Variants in PRKCE observed in about 807,000 individuals in gnomAD.
PRKCE encodes protein kinase C epsilon.
Under a neutral mutation model 85.4 loss-of-function variants are expected in PRKCE, and 16 were observed. That is an observed-to-expected ratio of 0.19 (90% CI 0.13 to 0.28). The LOEUF (loss-of-function observed/expected upper bound fraction) is 0.28. Among genes scored for constraint, PRKCE ranks in the 10% least tolerant of loss-of-function variants. The pLI is 1.00. For missense variants in PRKCE, 573 were observed against 975.2 expected, an observed-to-expected ratio of 0.59 and a Z score of 5.49; for synonymous variants, 388 against 371.5, an observed-to-expected ratio of 1.04 and a Z score of -0.51.
intron 1 of PRKCE, among the ~76,000 whole-genome samples, chr2:45,713,316 G>T (rs1007246469): frequency 6.6e-6 from 1 of 152,150 alleles, no homozygotes; most frequent in Non-Finnish European, 1.5e-5. Flanking sequence ...TATGCCTGAG[G>T]GTGGCTAATA....
At chr2:45,752,876 G>A (rs956331320) in intron 1 of PRKCE, among the ~76,000 whole-genome samples, 8 of 152,014 alleles carry the variant, frequency 5.3e-5, no homozygotes, top group South Asian at 2.1e-4. Context: ...AGTTTTTTAC[G>A]ACCCATTTTA....
intron 1 of PRKCE, among the ~76,000 whole-genome samples, chr2:45,737,508 C>T (rs914842720): frequency 7.2e-5 from 11 of 152,216 alleles, no homozygotes; most frequent in African/African-American, 1.7e-4. Flanking sequence ...GATTTGCCAA[C>T]GGCCCGGGGC....
chr2:46,116,622 C>G (rs562130226), intron 11 of PRKCE, among the ~76,000 whole-genome samples: 30 of 152,202 alleles, frequency 2.0e-4, no homozygotes, highest in African/African-American at 5.8e-4. Context: ...GTCTGTGTAG[C>G]CTTCATTTGC....
rs1696869459 is a variant in PRKCE at position 45,905,015 on chromosome 2, A to G, written c.412+61952A>G. ...TTGTACAGACAGCGACAGGGGCTCC[A>G]CATCACTTCAGCAGGCACGGTGACA... On this transcript the variant is annotated intron_variant, in intron 2 of 14. Transcript: ENST00000306156. This position sits in a 1 kb window ranked among gnomAD's most constrained non-coding sequence, Gnocchi z 4.4. 6.6e-6 allele frequency among the ~76,000 whole-genome samples: 1 copy of G among 152,256 alleles called. No homozygotes were observed. The highest frequency in any genetic ancestry group is 1.5e-5 in the Non-Finnish European group (1 of 68,042).
At chr2:45,943,199 C>G (rs774640701) in intron 2 of PRKCE, among the ~76,000 whole-genome samples, 6 of 152,144 alleles carry the variant, frequency 3.9e-5, no homozygotes, top group African/African-American at 7.2e-5. Flanking sequence ...AAAGAAATTC[C>G]TTTGTTAAAG....
At chr2:45,655,351 G>T (rs1266856138) in intron 1 of PRKCE, among the ~76,000 whole-genome samples, 1 of 138,656 alleles carries the variant, frequency 7.2e-6, no homozygotes, top group Non-Finnish European at 1.6e-5. Flanking sequence ...AAGTTTTTTT[G>T]CATTTTTTTT....
intron 14 of PRKCE, among the ~76,000 whole-genome samples, chr2:46,177,286 A>G (rs998790592): frequency 1.3e-5 from 2 of 152,198 alleles, no homozygotes; most frequent in Non-Finnish European, 2.9e-5. Flanking sequence ...TTTTAAATCA[A>G]TTTCAGAAAA....
intron 1 of PRKCE, among the ~76,000 whole-genome samples, chr2:45,842,767 C>T (rs1433401504): frequency 6.6e-6 from 1 of 152,190 alleles, no homozygotes; most frequent in Non-Finnish European, 1.5e-5. Flanking sequence ...TGCCAAGCAT[C>T]CCCTGTGTAG....
chr2:45,960,205 C>T (rs577533617), intron 2 of PRKCE, among the ~76,000 whole-genome samples: 7 of 152,232 alleles, frequency 4.6e-5, no homozygotes, highest in East Asian at 3.9e-4. Context: ...ACTTTGGAAC[C>T]GGTCTGGCCT....
intron 1 of PRKCE, among the ~76,000 whole-genome samples, chr2:45,655,174 T>C (rs146760307): frequency 6.6e-6 from 1 of 152,026 alleles, no homozygotes; most frequent in African/African-American, 2.4e-5. Context: ...CAGAGGAAAA[T>C]GAGGCCCTGG....
At chr2:46,108,259 T>G (rs563541451) in intron 11 of PRKCE, among the ~76,000 whole-genome samples, 7 of 152,222 alleles carry the variant, frequency 4.6e-5, no homozygotes, top group Non-Finnish European at 5.9e-5. Context: ...TACAAATCCT[T>G]TATCAGATAA....
At chr2:46,120,256 C>T (rs1376358959) in intron 11 of PRKCE, among the ~76,000 whole-genome samples, 1 of 152,188 alleles carries the variant, frequency 6.6e-6, no homozygotes, top group Non-Finnish European at 1.5e-5. Context: ...TTCTCAACCA[C>T]TAGTGGTTAT....
chr2:45,752,993 C>G (rs926444265), intron 1 of PRKCE, among the ~76,000 whole-genome samples: 1 of 152,112 alleles, frequency 6.6e-6, no homozygotes, highest in Non-Finnish European at 1.5e-5. Context: ...AGCTTTCCTG[C>G]GGCACACACA....
intron 2 of PRKCE, 67 bp downstream of exon 2, chr2:45,843,130 T>TC (rs3214783): frequency 0.23 from 301,532 of 1,339,730 alleles, 36,539 homozygotes; most frequent in East Asian, 0.25. Flanking sequence ...GTCTCTTCTT[T>TC]CCCCCCCTTG....
At chr2:45,804,289 G>T (rs1688084957) in intron 1 of PRKCE, among the ~76,000 whole-genome samples, 1 of 152,192 alleles carries the variant, frequency 6.6e-6, no homozygotes, top group Non-Finnish European at 1.5e-5. Flanking sequence ...AATGGAATGG[G>T]TTTCAACCCT....
At chr2:46,122,122 C>A (rs1489917390) in intron 11 of PRKCE, among the ~76,000 whole-genome samples, 1 of 152,230 alleles carries the variant, frequency 6.6e-6, no homozygotes, top group Non-Finnish European at 1.5e-5. Context: ...CTTCCTTAGG[C>A]TCCTTCCAGT....
chr2:45,691,813 G>A (rs1392133692), intron 1 of PRKCE, among the ~76,000 whole-genome samples: 2 of 152,108 alleles, frequency 1.3e-5, no homozygotes, highest in African/African-American at 2.4e-5. Context: ...TTCCTGTAGC[G>A]GACACCTGCA....
At chr2:45,969,719 C>G (rs746594669) in intron 2 of PRKCE, among the ~76,000 whole-genome samples, 1 of 152,212 alleles carries the variant, frequency 6.6e-6, no homozygotes, top group African/African-American at 2.4e-5. Flanking sequence ...TAAAAAGTCA[C>G]TAAAGAGCAT....
intron 10 of PRKCE, among the ~76,000 whole-genome samples, chr2:46,049,366 C>A (rs865807472): frequency 9.9e-5 from 15 of 152,200 alleles, no homozygotes; most frequent in South Asian, 4.1e-4. Flanking sequence ...CATAGCCCAG[C>A]TCTCTCTCAT....
Sources: allele counts gnomAD v4.1 joint callset (sites outside exome capture counted in the v4.1 genomes callset), GRCh38; gene constraint gnomAD v4.1.1; non-coding constraint Gnocchi (gnomAD v3.1); transcripts MANE v1.5; gene names NCBI Gene and HGNC (gene_info 2026-07-23, HGNC 2026-07-21).